Variants in LGMN observed in about 807,000 individuals in gnomAD.
LGMN encodes the protein legumain.
Under a neutral mutation model 56.8 loss-of-function variants are expected in LGMN, and 36 were observed. That is an observed-to-expected ratio of 0.63 (90% CI 0.49 to 0.84). The LOEUF (loss-of-function observed/expected upper bound fraction) is 0.84. LGMN is among the 40% of genes least tolerant of loss of function. The probability of loss-of-function intolerance (pLI) is 0.00; values close to 1 mark genes in which losing one functional copy is unlikely to be tolerated. For synonymous variants in LGMN, 199 were observed against 210.1 expected (o/e 0.95, Z 0.46); for missense variants, 446 against 556.1 (o/e 0.80, Z 1.99).
intron 1 of LGMN, chr14:92,742,899 T>C (rs1566938464): frequency 1.3e-5 from 2 of 151,966 alleles, no homozygotes; most frequent in Non-Finnish European, 2.9e-5. Flanking sequence ...GCCAGCATGA[T>C]GGTGCATACC....
chr14:92,708,879 A>AAAAAAAAAAAAAAAC (rs1889587116), intron 11 of LGMN, among the ~76,000 whole-genome samples: 1 of 144,954 alleles, frequency 6.9e-6, no homozygotes, highest in South Asian at 2.2e-4. Flanking sequence ...AAAAAAAAAA[A>AAAAAAAAAAAAAAAC]AATCTTGCCT....
At chr14:92,736,857 T>C (rs1320462117) in intron 1 of LGMN, among the ~76,000 whole-genome samples, 1 of 152,100 alleles carries the variant, frequency 6.6e-6, no homozygotes, top group African/African-American at 2.4e-5. Flanking sequence ...AAGGAACCAA[T>C]ACAAGATGCA....
At chr14:92,710,698 A>G (rs1478654233) in intron 10 of LGMN, among the ~76,000 whole-genome samples, 3 of 152,212 alleles carry the variant, frequency 2.0e-5, no homozygotes, top group Non-Finnish European at 4.4e-5. Flanking sequence ...GAAATGGCCA[A>G]TGATGAGGAC....
intron 7 of LGMN, 55 bp from the exon 8 acceptor site, chr14:92,712,926 C>T (rs1328200225): frequency 6.6e-7 from 1 of 1,520,824 alleles, no homozygotes; most frequent in African/African-American, 1.4e-5. Context: ...GGCCTCCAGC[C>T]ATGCTACTGG....
At chr14:92,743,294 GATCGAGACC>G (rs1891651148) in intron 1 of LGMN, among the ~76,000 whole-genome samples, 1 of 152,160 alleles carries the variant, frequency 6.6e-6, no homozygotes, top group African/African-American at 2.4e-5. Context: ...GAGGTCAGGA[GATCGAGACC>G]ATCCTGACTA....
intron 1 of LGMN, among the ~76,000 whole-genome samples, chr14:92,739,174 C>T (rs976739192): frequency 6.6e-6 from 1 of 152,158 alleles, no homozygotes; most frequent in African/African-American, 2.4e-5. Context: ...ACCTTACATG[C>T]TAATTTCCTA....
At chr14:92,724,702 T>C (rs1890659425) in intron 2 of LGMN, among the ~76,000 whole-genome samples, 1 of 152,252 alleles carries the variant, frequency 6.6e-6, no homozygotes, top group South Asian at 2.1e-4. Flanking sequence ...TTTGATAGCT[T>C]GTGCTGGGAG....
intron 1 of LGMN, among the ~76,000 whole-genome samples, chr14:92,735,889 G>C (rs1235517646): frequency 6.6e-6 from 1 of 151,852 alleles, no homozygotes; most frequent in Non-Finnish European, 1.5e-5. Context: ...CTAGAACCAC[G>C]GGTCTGTTCA....
chr14:92,711,723 T>C lies in LGMN; in HGVS notation c.755A>G (p.His252Arg), dbSNP rs1889787451. ...DVEDLTKETL[H>R]KQYHLVKSHT... is the part of the protein sequence containing the mutation. ...CGATTTTACCAGGTGGTACTGCTTG[T>C]GCAGGGTCTCTTTAGTCAGATCTTC... Residue 252 changes from histidine to arginine, a missense_variant, in exon 10 of 14, where the codon CAC becomes CGC. By Grantham distance (29) the His-to-Arg change is conservative (BLOSUM62 0). Coordinates refer to ENST00000334869, the MANE Select transcript of LGMN (RefSeq NM_005606.7). The C allele has an allele frequency of 6.2e-7, 1 of 1,614,100 alleles. No homozygotes were observed. The highest frequency in any genetic ancestry group is 1.7e-5 in the Admixed American group (1 of 60,006).
At chr14:92,744,603 T>C (rs556657466) in intron 1 of LGMN, among the ~76,000 whole-genome samples, 1 of 151,396 alleles carries the variant, frequency 6.6e-6, no homozygotes, top group East Asian at 1.9e-4. Context: ...AGTTTTTTTT[T>C]TTTTTTTTTG....
intron 1 of LGMN, among the ~76,000 whole-genome samples, chr14:92,738,557 C>T (rs1891405543): frequency 6.6e-6 from 1 of 150,688 alleles, no homozygotes; most frequent in South Asian, 2.2e-4. Context: ...GGATTACAGG[C>T]GTGAGCCACC....
rs745620786 is a variant in LGMN at position 92,712,738 on chromosome 14, C to T, written c.610+67G>A. 9.0e-6 allele frequency: 13 copies of T among 1,447,606 alleles called. No individual in the cohort carries two copies. The East Asian group carries it at 3.0e-4, about 34-fold the overall frequency. 89.7% of individuals were successfully genotyped at this position (1,447,606 alleles called of 1,614,324 possible). A position where few individuals can be genotyped will look rare whatever the true frequency, so the allele number is the denominator to read the frequency against. On this transcript the variant is annotated intron_variant, in intron 8 of 13. Coordinates refer to ENST00000334869, the MANE Select transcript of LGMN (RefSeq NM_005606.7). ...CCCTGCTTACGGAGAATGCTCAGTTCCATGTCAGCGGTGTCTGAGCAACCT... is the reference window on the plus strand; with the variant it reads ...CCCTGCTTACGGAGAATGCTCAGTTTCATGTCAGCGGTGTCTGAGCAACCT...
At chr14:92,711,993 A>AT in intron 8 of LGMN, 38 bp from the exon 9 acceptor site, 1 of 1,464,308 alleles carries the variant, frequency 6.8e-7, no homozygotes, top group Non-Finnish European at 9.6e-7. Flanking sequence ...GTTGCATTTT[A>AT]TTCCTGCCTT....
chr14:92,726,230 T>C (rs1335657758), intron 2 of LGMN, among the ~76,000 whole-genome samples: 1 of 148,220 alleles, frequency 6.7e-6, no homozygotes, highest in Non-Finnish European at 1.5e-5. Flanking sequence ...AGATTGAGGC[T>C]CTGTCTCAAA....
At chr14:92,705,974 C>T (rs894739497) in intron 12 of LGMN, among the ~76,000 whole-genome samples, 1 of 152,140 alleles carries the variant, frequency 6.6e-6, no homozygotes, top group Non-Finnish European at 1.5e-5. Context: ...GAGAAACAGA[C>T]CTGTAGGCCA....
At chr14:92,710,078 G>A (rs144578846) in intron 10 of LGMN, among the ~76,000 whole-genome samples, 32 of 152,232 alleles carry the variant, frequency 2.1e-4, no homozygotes, top group Middle Eastern at 3.4e-3. Flanking sequence ...TGAAAGGCAT[G>A]GTCACCCCAG....
At chr14:92,704,548 A>G (rs1393429328) in intron 13 of LGMN, 92 bp downstream of exon 13, 3 of 1,202,094 alleles carry the variant, frequency 2.5e-6, no homozygotes, top group Non-Finnish European at 3.7e-6. Flanking sequence ...CTCCTGGCAG[A>G]AGTGAAAATG....
rs142387609 is a variant in LGMN, at chr14:92,711,680, G to A, written c.798C>T (p.His266=). ...TCACTTTGTTTCCATACTGCATGAC[G>A]TGGCTGGTGTTGGTGTGCGATTTTA... ...HLVKSHTNTS[H]VMQYGNKTIS... Residue 266 remains histidine (H), a synonymous_variant, in exon 10 of 14, where the codon CAC becomes CAT. Transcript: ENST00000334869. The A allele has an allele frequency of 1.9e-4, 314 of 1,614,246 alleles. No homozygotes were observed. The highest frequency in any genetic ancestry group is 2.4e-4 in the Non-Finnish European group (278 of 1,180,040).
At chr14:92,738,637 T>C (rs1020879116) in intron 1 of LGMN, among the ~76,000 whole-genome samples, 6 of 152,118 alleles carry the variant, frequency 3.9e-5, no homozygotes, top group African/African-American at 7.2e-5. Flanking sequence ...TCGTTCTTTT[T>C]TCTTATAAAC....
Sources: gnomAD v4.1 joint callset for allele counts (sites outside exome capture counted in the v4.1 genomes callset) on GRCh38, gnomAD v4.1.1 for gene constraint, MANE v1.5 for transcripts, NCBI Gene and HGNC (gene_info 2026-07-23, HGNC 2026-07-21) for gene names.